Variants in IMMP2L observed in about 807,000 individuals in gnomAD.
IMMP2L encodes the protein inner mitochondrial membrane peptidase subunit 2, also known as mitochondrial inner membrane protease subunit 2.
In IMMP2L, 18 loss-of-function variants were observed where a neutral mutation model predicts 19.3. The observed-to-expected ratio is 0.93, with a 90% confidence interval of 0.64 to 1.38. The LOEUF (loss-of-function observed/expected upper bound fraction) is 1.38, where lower values mean the gene tolerates loss of function less well. Among genes scored for constraint, IMMP2L ranks in the 40% most tolerant of loss-of-function variants. The pLI is 0.00. For missense variants in IMMP2L, 233 were observed against 218.2 expected, an observed-to-expected ratio of 1.07 and a Z score of -0.43; for synonymous variants, 76 against 73.0, an observed-to-expected ratio of 1.04 and a Z score of -0.21.
chr7:110,759,114 G>C (rs1798201973), intron 5 of IMMP2L, among the ~76,000 whole-genome samples: 2 of 152,152 alleles, frequency 1.3e-5, no homozygotes, highest in South Asian at 4.2e-4. Flanking sequence ...TGAGAATCTT[G>C]CATGTGACAC....
At chr7:111,131,394 T>C (rs973652976) in intron 3 of IMMP2L, among the ~76,000 whole-genome samples, 3 of 152,036 alleles carry the variant, frequency 2.0e-5, no homozygotes, top group Admixed American at 6.6e-5. Flanking sequence ...ATTATTAACA[T>C]ATTATGTTTG....
chr7:111,243,060 G>A (rs1278910388), intron 3 of IMMP2L, among the ~76,000 whole-genome samples: 4 of 151,848 alleles, frequency 2.6e-5, no homozygotes, highest in Admixed American at 2.6e-4. Flanking sequence ...CATGTCTGAA[G>A]GTGAAAAATA....
At chr7:111,284,288 A>G (rs183106347) in intron 3 of IMMP2L, among the ~76,000 whole-genome samples, 10 of 152,236 alleles carry the variant, frequency 6.6e-5, no homozygotes, top group Admixed American at 1.3e-4. Flanking sequence ...ACTATTCAAT[A>G]TAACTGAAAA....
chr7:111,201,715 C>CA (rs111870526), intron 3 of IMMP2L, among the ~76,000 whole-genome samples: 18,883 of 102,480 alleles, frequency 0.18, 1,363 homozygotes, highest in Non-Finnish European at 0.23. Flanking sequence ...GACCCTGTCT[C>CA]AAAAAAAAAA....
intron 5 of IMMP2L, among the ~76,000 whole-genome samples, chr7:110,667,601 T>C (rs1375774965): frequency 1.3e-5 from 2 of 152,112 alleles, no homozygotes; most frequent in Non-Finnish European, 2.9e-5. Flanking sequence ...CTGCTGGCTT[T>C]GAAGGTGCAG....
At chr7:110,778,912 G>T (rs914883848) in intron 5 of IMMP2L, among the ~76,000 whole-genome samples, 2 of 151,936 alleles carry the variant, frequency 1.3e-5, no homozygotes, top group Admixed American at 1.3e-4. Flanking sequence ...CCAAAATCAA[G>T]TCATCGGGTT....
chr7:110,683,696 G>C (rs1792900609), intron 5 of IMMP2L, among the ~76,000 whole-genome samples: 1 of 152,090 alleles, frequency 6.6e-6, no homozygotes, highest in Non-Finnish European at 1.5e-5. Flanking sequence ...TCATGTTAAA[G>C]GCATATTGGT....
At chr7:111,170,668 T>C (rs911370844) in intron 3 of IMMP2L, among the ~76,000 whole-genome samples, 2 of 151,836 alleles carry the variant, frequency 1.3e-5, no homozygotes, top group African/African-American at 4.8e-5. Flanking sequence ...GGTCTGAGGG[T>C]TCCTATCATC....
chr7:110,886,617 AC>A lies in IMMP2L; in HGVS notation c.383del (p.Ser128IlefsTer12). 1 of 1,603,886 alleles carries A rather than the reference AC, an allele frequency of 6.2e-7. No homozygotes were observed. Among genetic ancestry groups the A allele is most frequent in the South Asian group, 1.1e-5 (1 of 90,822 alleles). ...IWVEGDHHGH[S>X]FDSNSFGPVS... ...CCGGCCCAAAAGAATTACTGTCAAA[AC>A]TGTGTCCATGATGATCACCTTCAAC... On this transcript the variant is annotated frameshift_variant, in exon 5 of 6. Coordinates refer to ENST00000405709, the MANE Select transcript of IMMP2L (RefSeq NM_032549.4). LOFTEE classifies it high-confidence loss of function.
At chr7:111,170,838 G>A (rs1384639869) in intron 3 of IMMP2L, among the ~76,000 whole-genome samples, 1 of 151,428 alleles carries the variant, frequency 6.6e-6, no homozygotes, top group East Asian at 2.0e-4. Flanking sequence ...GGCTTTTAGT[G>A]TACCCATTAC....
chr7:111,255,196 A>G (rs1371005590), intron 3 of IMMP2L, among the ~76,000 whole-genome samples: 1 of 152,092 alleles, frequency 6.6e-6, no homozygotes, highest in African/African-American at 2.4e-5. Flanking sequence ...GGAGACAAAT[A>G]TCTCTTCTAA....
chr7:111,331,796 C>T (rs1379975359), intron 3 of IMMP2L, among the ~76,000 whole-genome samples: 1 of 151,702 alleles, frequency 6.6e-6, no homozygotes, highest in African/African-American at 2.4e-5. Context: ...TTGTATATAG[C>T]CAAGCTGCCT....
intron 5 of IMMP2L, among the ~76,000 whole-genome samples, chr7:110,857,482 G>C (rs954167225): frequency 6.6e-6 from 1 of 152,004 alleles, no homozygotes; most frequent in Non-Finnish European, 1.5e-5. Context: ...TATGAAAAAA[G>C]AGAGCCCAAG....
Position 110,662,866 on chromosome 7 carries a change from T to C in IMMP2L, c.*736A>G, listed in dbSNP as rs986924136. 1.3e-5 allele frequency among the ~76,000 whole-genome samples: 2 copies of C among 152,214 alleles called. No individual in the cohort carries two copies. The highest frequency in any genetic ancestry group is 2.4e-5 in the African/African-American group (1 of 41,456). The stretch of plus-strand genomic sequence containing the variant: ...TGCGGATAAAGGGGTTTACCCATCA[T>C]TGTGAATAGGCATGAGATCACTCAG... On this transcript the variant is annotated 3_prime_UTR_variant, in exon 6 of 6. Coordinates refer to ENST00000405709, the MANE Select transcript of IMMP2L (RefSeq NM_032549.4).
intron 3 of IMMP2L, among the ~76,000 whole-genome samples, chr7:111,436,801 C>T (rs1585092303): frequency 1.3e-5 from 2 of 151,752 alleles, no homozygotes; most frequent in African/African-American, 4.9e-5. Flanking sequence ...ACAGGCTGTA[C>T]AGGAAGCAGA....
intron 3 of IMMP2L, among the ~76,000 whole-genome samples, chr7:111,444,935 T>C (rs1838157234): frequency 1.3e-5 from 2 of 152,138 alleles, no homozygotes; most frequent in African/African-American, 2.4e-5. Context: ...TGAAATACTT[T>C]AGACTTACGT....
intron 3 of IMMP2L, among the ~76,000 whole-genome samples, chr7:111,460,459 T>C (rs1840041473): frequency 6.6e-6 from 1 of 151,480 alleles, no homozygotes; most frequent in Non-Finnish European, 1.5e-5. Flanking sequence ...AACAAAAGAG[T>C]CAGGCTATTT....
Position 111,412,477 on chromosome 7 carries a change from C to T in IMMP2L, c.239+74761G>A, listed in dbSNP as rs1193441528. Among the ~76,000 whole-genome samples, 16 of 151,708 alleles carry T rather than the reference C, an allele frequency of 1.1e-4. 1 individual carries two copies. Among genetic ancestry groups the T allele is most frequent in the African/African-American group, 3.9e-4 (16 of 41,146 alleles). ...ATCACAAAGGAGTTAAAACGGAAAT[C>T]AATTAAGGAACAAGTCCTGAAATAT... On this transcript the variant is annotated intron_variant, in intron 3 of 5. Coordinates refer to ENST00000405709, the MANE Select transcript of IMMP2L (RefSeq NM_032549.4).
At chr7:111,462,198 A>G (rs2132017310) in intron 3 of IMMP2L, among the ~76,000 whole-genome samples, 1 of 152,216 alleles carries the variant, frequency 6.6e-6, no homozygotes, top group East Asian at 1.9e-4. Flanking sequence ...TATTATGTAC[A>G]CATGTCAATT....
Sources: allele counts gnomAD v4.1 joint callset (sites outside exome capture counted in the v4.1 genomes callset), GRCh38; gene constraint gnomAD v4.1.1; transcripts MANE v1.5; gene names NCBI Gene and HGNC (gene_info 2026-07-23, HGNC 2026-07-21).